HOMER3: variants seen among roughly 807,000 people sequenced by gnomAD.
The protein encoded by HOMER3 is homer scaffold protein 3, also known as homer protein homolog 3.
A neutral mutation model predicts 45.5 loss-of-function variants in HOMER3; 34 were observed. The ratio of observed to expected loss-of-function variants is 0.75; its 90% CI spans 0.57 to 1.00. The LOEUF (loss-of-function observed/expected upper bound fraction) is 1.00, where lower values mean the gene tolerates loss of function less well. Among genes scored for constraint, HOMER3 ranks in the 50% least tolerant of loss-of-function variants. The probability of loss-of-function intolerance (pLI) is 0.00; values close to 1 mark genes in which losing one functional copy is unlikely to be tolerated. For missense variants in HOMER3, 480 were observed against 497.5 expected (o/e 0.96, Z 0.33); for synonymous variants, 223 against 208.8 (o/e 1.07, Z -0.58).
chr19:18,934,864 G>GTTTTT (rs1021383752), intron 4 of HOMER3, among the ~76,000 whole-genome samples: 1 of 114,066 alleles, frequency 8.8e-6, no homozygotes, highest in African/African-American at 2.9e-5. Context: ...CCCTTTTCCT[G>GTTTTT]TTTTTTGTTT....
At position 18,929,545 on chromosome 19, in the gene HOMER3, C is replaced by A; in HGVS notation, c.984G>T (p.Ala328=). Residue 328 remains alanine (A), a synonymous_variant, in exon 10 of 10, where the codon GCG becomes GCT. Coordinates refer to ENST00000392351, the MANE Select transcript of HOMER3 (RefSeq NM_004838.4). The part of the protein sequence containing the change: ...LEEARAERER[A]RAEVGRAAQL... Reference sequence around the variant, plus strand: ...GCGCTGCCCGGCCCACCTCAGCCCGCGCCCGCTCCCGCTCTGCCCGTGCCT... The same window carrying A: ...GCGCTGCCCGGCCCACCTCAGCCCGAGCCCGCTCCCGCTCTGCCCGTGCCT... 6.4e-7 allele frequency: 1 copy of A among 1,554,824 alleles called. No homozygotes were observed. Among genetic ancestry groups the A allele is most frequent in the South Asian group, 1.2e-5 (1 of 85,120 alleles).
Position 18,938,435 on chromosome 19 carries a change from G to C in HOMER3, c.221C>G (p.Ser74Cys). Residue 74 changes from serine (S) to cysteine (C), a missense_variant, in exon 4 of 10, where the codon TCC (serine) becomes TGC (cysteine). Ser to Cys is a moderately radical substitution (Grantham distance 112). Transcript: ENST00000392351. ...VTPNMTFTKT[S>C]QKFGQWADSR... ...GTCGGCCCACTGCCCGAACTTCTGG[G>C]AAGTTTTGGTGAAGGTCATGTTGGG... The C allele has an allele frequency of 1.2e-6, 2 of 1,614,182 alleles. No homozygotes were observed. The highest frequency in any genetic ancestry group is 1.3e-5 in the African/African-American group (1 of 75,058).
chr19:18,933,059 A>G lies in HOMER3; in HGVS notation c.412-14T>C. 1 of 1,487,200 alleles carries G rather than the reference A, an allele frequency of 6.7e-7. No individual in the cohort carries two copies. Among genetic ancestry groups the G allele is most frequent in the African/African-American group, 1.5e-5 (1 of 67,688 alleles). 92.1% of individuals were successfully genotyped at this position (1,487,200 alleles called of 1,614,324 possible). On this transcript the variant is annotated splice_polypyrimidine_tract_variant and intron_variant, in intron 5 of 9. Coordinates refer to ENST00000392351, the MANE Select transcript of HOMER3 (RefSeq NM_004838.4). ...GCTCGGGGGCACCTAGGCACGGGGAAAAGAATAGGTCACGACCCCACATCA... is the reference window on the plus strand; with the variant it reads ...GCTCGGGGGCACCTAGGCACGGGGAGAAGAATAGGTCACGACCCCACATCA...
chr19:18,937,506 C>T (rs1164908727), intron 4 of HOMER3, among the ~76,000 whole-genome samples: 3 of 150,822 alleles, frequency 2.0e-5, no homozygotes, highest in Non-Finnish European at 4.4e-5. Flanking sequence ...ATCCCATCTC[C>T]ACTAAAAATA....
rs993548759 is a variant in HOMER3 at position 18,938,989 on chromosome 19, G to A, written c.-7C>T. The A allele has an allele frequency of 1.3e-6, 2 of 1,581,022 alleles. No homozygotes were observed. The highest frequency in any genetic ancestry group is 3.5e-5 in the Admixed American group (2 of 57,344). On this transcript the variant is annotated 5_prime_UTR_variant, in exon 2 of 10. Coordinates refer to ENST00000392351, the MANE Select transcript of HOMER3 (RefSeq NM_004838.4). The stretch of plus-strand genomic sequence containing the variant: ...CTCACCTGGCTGTGGACATTGGTCA[G>A]GCTGGGATGGGCAGGCTCTAGGGGG...
At chr19:18,932,885 A>AACCCCCCCCCCCCCCCCCCC in intron 6 of HOMER3, 39 bp downstream of exon 6, 6 of 687,538 alleles carry the variant, frequency 8.7e-6, no homozygotes, top group Non-Finnish European at 1.3e-5. Context: ...CCCCACCCCT[A>AACCCCCCCCCCCCCCCCCCC]CCCCCGCCCC....
At chr19:18,938,616 C>T in intron 3 of HOMER3, 112 bp downstream of exon 3, 1 of 1,499,350 alleles carries the variant, frequency 6.7e-7, no homozygotes, top group Non-Finnish European at 9.1e-7. Context: ...AGACTAGGGC[C>T]TGGGAAGGCT....
intron 1 of HOMER3, chr19:18,939,252 C>T: frequency 2.2e-6 from 1 of 451,568 alleles, no homozygotes. Context: ...CCATCCTGAG[C>T]AACATGGCGA....
intron 6 of HOMER3, 23 bp from the exon 7 acceptor site, chr19:18,932,155 A>AGTGG (rs778647201): frequency 8.4e-7 from 1 of 1,195,640 alleles, no homozygotes; most frequent in Non-Finnish European, 1.1e-6. Flanking sequence ...GAGGGTCGGC[A>AGTGG]GTGGGTGACA....
Position 18,929,440 on chromosome 19 carries a change from G to A in HOMER3, c.*3C>T, listed in dbSNP as rs758635513. ...GAATCGTTCATAGAAAACCAGCCCCGGCTCAGGGCGCAGCCTCAGCCAGGC... is the reference window on the plus strand; with the variant it reads ...GAATCGTTCATAGAAAACCAGCCCCAGCTCAGGGCGCAGCCTCAGCCAGGC... On this transcript the variant is annotated 3_prime_UTR_variant, in exon 10 of 10. Coordinates refer to ENST00000392351, the MANE Select transcript of HOMER3 (RefSeq NM_004838.4). 13 of 1,587,688 alleles carry A rather than the reference G, an allele frequency of 8.2e-6. No homozygotes were observed. Among genetic ancestry groups the A allele is most frequent in the East Asian group, 4.5e-5 (2 of 44,496 alleles).
At chr19:18,929,872 G>A (rs765028906) in intron 9 of HOMER3, among the ~76,000 whole-genome samples, 62 of 152,034 alleles carry the variant, frequency 4.1e-4, no homozygotes, top group Non-Finnish European at 7.6e-4. Flanking sequence ...GGAGTGCAAT[G>A]GCGTGATCTC....
intron 7 of HOMER3, 41 bp from the exon 8 acceptor site, chr19:18,931,666 ACT>A: frequency 6.4e-7 from 1 of 1,553,218 alleles, no homozygotes; most frequent in Non-Finnish European, 8.7e-7. Flanking sequence ...CCCCGCCTGC[ACT>A]CTCCCTTGCT....
chr19:18,936,988 G>A lies in HOMER3; in HGVS notation c.303+1365C>T, dbSNP rs530610848. Among the ~76,000 whole-genome samples, 525 of 143,500 alleles carry A rather than the reference G, an allele frequency of 3.7e-3. 4 individuals carry two copies. The highest frequency in any genetic ancestry group is 0.013 in the African/African-American group (501 of 38,160). The allele number at this position is 143,500 out of a possible 152,430, so 94.1% of individuals were successfully genotyped here. ...TGCACTCCAGCCTGTGCGACAGAGC[G>A]AGACTCCGTCTCAAAAAAAAAAAAA... On this transcript the variant is annotated intron_variant, in intron 4 of 9. Coordinates refer to ENST00000392351, the MANE Select transcript of HOMER3 (RefSeq NM_004838.4).
chr19:18,938,132 C>A (rs1314080372), intron 4 of HOMER3, among the ~76,000 whole-genome samples: 1 of 151,504 alleles, frequency 6.6e-6, no homozygotes, highest in Non-Finnish European at 1.5e-5. Context: ...GCGGAGGTTG[C>A]GTGAGCCAAG....
chr19:18,934,465 G>GT (rs1358063147), intron 4 of HOMER3, 55 bp from the exon 5 acceptor site: 1 of 1,131,096 alleles, frequency 8.8e-7, no homozygotes, highest in Non-Finnish European at 1.2e-6. Context: ...TCCCAAACAG[G>GT]TCACCATCAC....
Position 18,934,721 on chromosome 19 carries a change from C to A in HOMER3, c.304-311G>T, listed in dbSNP as rs151196891. Among the ~76,000 whole-genome samples the A allele has an allele frequency of 2.4e-3, 363 of 152,268 alleles. 4 individuals carry two copies. Among genetic ancestry groups the A allele is most frequent in the African/African-American group, 8.4e-3 (350 of 41,562 alleles). On this transcript the variant is annotated intron_variant, in intron 4 of 9. Transcript: ENST00000392351. ...ACAGTGGCATGATCTCGGCTCACTG[C>A]AGCCTTGACCTCCCTGGCTCAAGTG...
At chr19:18,931,693 G>T in intron 7 of HOMER3, 68 bp from the exon 8 acceptor site, 1 of 1,523,520 alleles carries the variant, frequency 6.6e-7, no homozygotes. Flanking sequence ...CAACCTCTAG[G>T]GAATCTGCCT....
At position 18,931,315 on chromosome 19, in the gene HOMER3, C is replaced by CCA; in HGVS notation, c.894+8_894+9dup. On this transcript the variant is annotated intron_variant, in intron 9 of 9. Coordinates refer to ENST00000392351, the MANE Select transcript of HOMER3 (RefSeq NM_004838.4). ...CCACCGTCACCCCACCTCCTTGTGCCCACACACACCTGCACCTTCTGCTGA... is the reference window on the plus strand; with the variant it reads ...CCACCGTCACCCCACCTCCTTGTGCCCACACACACACCTGCACCTTCTGCTGA... The CCA allele has an allele frequency of 6.2e-7, 1 of 1,612,498 alleles. No homozygotes were observed. The highest frequency in any genetic ancestry group is 8.5e-7 in the Non-Finnish European group (1 of 1,178,708).
At chr19:18,931,665 C>A in intron 7 of HOMER3, 40 bp from the exon 8 acceptor site, 1 of 1,556,570 alleles carries the variant, frequency 6.4e-7, no homozygotes. Context: ...CCCCCGCCTG[C>A]ACTCTCCCTT....
Sources: gnomAD v4.1 joint callset for allele counts (sites outside exome capture counted in the v4.1 genomes callset) on GRCh38, gnomAD v4.1.1 for gene constraint, MANE v1.5 for transcripts, NCBI Gene and HGNC (gene_info 2026-07-23, HGNC 2026-07-21) for gene names.